Variants in AFF2 observed in about 807,000 individuals in gnomAD.
The protein encoded by AFF2 is AF4/FMR2 family member 2.
In AFF2, 14 loss-of-function variants were observed where a neutral mutation model predicts 76.9. That is an observed-to-expected ratio of 0.18 (90% CI 0.12 to 0.28). The LOEUF (loss-of-function observed/expected upper bound fraction) is 0.28. Ranked by LOEUF, AFF2 falls within the 10% of genes least tolerant of loss-of-function variation. The pLI is 1.00. For missense variants in AFF2, 868 were observed against 1,001.1 expected, an observed-to-expected ratio of 0.87 and a Z score of 1.79; for synonymous variants, 398 against 366.7, an observed-to-expected ratio of 1.09 and a Z score of -0.98.
chrX:148,698,669 A>G (rs2054750000), intron 3 of AFF2, among the ~76,000 whole-genome samples: 1 of 112,297 alleles, frequency 8.9e-6, no homozygotes, highest in Admixed American at 9.5e-5. Flanking sequence ...TGAATAGATA[A>G]TAATGTGACC....
intron 3 of AFF2, among the ~76,000 whole-genome samples, chrX:148,725,661 G>A (rs782282458): frequency 1.1e-4 from 12 of 111,873 alleles, no homozygotes; most frequent in Non-Finnish European, 2.1e-4. Context: ...AACACAAATC[G>A]TCATTGACTG....
chrX:148,923,829 A>G (rs781931568), intron 9 of AFF2, among the ~76,000 whole-genome samples: 1 of 111,764 alleles, frequency 8.9e-6, no homozygotes, highest in Non-Finnish European at 1.9e-5. Flanking sequence ...TCTGAATCCA[A>G]CCAAAAGCTT....
intron 7 of AFF2, among the ~76,000 whole-genome samples, chrX:148,881,963 TC>T (rs1235881149): frequency 9.0e-6 from 1 of 111,557 alleles, no homozygotes; most frequent in African/African-American, 3.3e-5. Context: ...CGTTAGGAAT[TC>T]CTGTATTTGA....
At chrX:148,669,661 A>G (rs1444320710) in intron 3 of AFF2, among the ~76,000 whole-genome samples, 1 of 111,234 alleles carries the variant, frequency 9.0e-6, no homozygotes, top group Non-Finnish European at 1.9e-5. Context: ...CCATGATTCA[A>G]TTACATCCCA....
At chrX:148,512,532 C>A (rs1357833424) in intron 1 of AFF2, among the ~76,000 whole-genome samples, 1 of 111,978 alleles carries the variant, frequency 8.9e-6, no homozygotes, top group African/African-American at 3.3e-5. Context: ...AAAGTTAAAG[C>A]GAATTCTAAA....
intron 1 of AFF2, among the ~76,000 whole-genome samples, chrX:148,608,580 A>G (rs1557249085): frequency 9.2e-6 from 1 of 109,025 alleles, no homozygotes; most frequent in Non-Finnish European, 1.9e-5. Context: ...CAGTGGCGTG[A>G]TTGTAGGTCA....
At chrX:148,701,011 AATGTGTGTGTGTGTGTGTGTGTGTGT>A (rs2054787469) in intron 3 of AFF2, among the ~76,000 whole-genome samples, 1 of 61,168 alleles carries the variant, frequency 1.6e-5, no homozygotes, top group East Asian at 7.6e-4. Context: ...AGAGAGAGAG[AATGTGTGTGTGTGTGTGTGTGTGTGT>A]GTGTGTGTGT....
At chrX:148,748,195 A>G (rs1238967861) in intron 3 of AFF2, among the ~76,000 whole-genome samples, 1 of 112,518 alleles carries the variant, frequency 8.9e-6, no homozygotes, top group Non-Finnish European at 1.9e-5. Context: ...TGTAACGGAT[A>G]CACTGAATAA....
At chrX:148,712,931 G>A (rs1557263038) in intron 3 of AFF2, among the ~76,000 whole-genome samples, 1 of 111,666 alleles carries the variant, frequency 9.0e-6, no homozygotes, top group Non-Finnish European at 1.9e-5. Flanking sequence ...GATGACAAGT[G>A]CTATTAAAAA....
At chrX:148,828,927 G>C (rs1408263133) in intron 4 of AFF2, among the ~76,000 whole-genome samples, 1 of 111,924 alleles carries the variant, frequency 8.9e-6, no homozygotes, top group African/African-American at 3.2e-5. Context: ...CTTCCCAATT[G>C]TACATTATAA....
intron 4 of AFF2, among the ~76,000 whole-genome samples, chrX:148,813,881 C>T (rs782025603): frequency 2.7e-5 from 3 of 112,338 alleles, no homozygotes; most frequent in Non-Finnish European, 5.6e-5. Context: ...CACTGGCCTA[C>T]AACACCTTTT....
chrX:148,607,420 T>A (rs1444482951), intron 1 of AFF2, among the ~76,000 whole-genome samples: 2 of 110,814 alleles, frequency 1.8e-5, no homozygotes, highest in Non-Finnish European at 3.8e-5. Context: ...TCTTACAAGA[T>A]CTCATGGTTT....
intron 1 of AFF2, among the ~76,000 whole-genome samples, chrX:148,579,256 T>A (rs1175528056): frequency 1.8e-5 from 2 of 111,963 alleles, no homozygotes; most frequent in Non-Finnish European, 3.8e-5. Context: ...CCCACGTATG[T>A]CTGTAATTGA....
At chrX:148,781,959 C>T (rs1353989918) in intron 3 of AFF2, among the ~76,000 whole-genome samples, 1 of 111,385 alleles carries the variant, frequency 9.0e-6, no homozygotes, top group Non-Finnish European at 1.9e-5. Flanking sequence ...ACCCCTTGCA[C>T]TTCCAGGATG....
chrX:148,975,017 C>A (rs1416767199), intron 16 of AFF2, among the ~76,000 whole-genome samples: 1 of 112,026 alleles, frequency 8.9e-6, no homozygotes, highest in Non-Finnish European at 1.9e-5. Context: ...CAAATTAAAA[C>A]AAGGCACTTT....
intron 3 of AFF2, among the ~76,000 whole-genome samples, chrX:148,763,121 A>C (rs1463709719): frequency 1.8e-5 from 2 of 112,220 alleles, no homozygotes; most frequent in Admixed American, 9.5e-5. Flanking sequence ...AGTTTTGAGA[A>C]TCTCAATGCA....
intron 12 of AFF2, among the ~76,000 whole-genome samples, chrX:148,961,068 G>A (rs144008433): frequency 2.7e-5 from 3 of 112,008 alleles, no homozygotes; most frequent in Non-Finnish European, 3.8e-5. Context: ...CTGAATCCCC[G>A]CTGGTTGCTT....
At chrX:148,923,737 T>G (rs1368216602) in intron 9 of AFF2, among the ~76,000 whole-genome samples, 1 of 111,984 alleles carries the variant, frequency 8.9e-6, no homozygotes, top group Admixed American at 9.5e-5. Context: ...ATGTATATAG[T>G]CTTTGCCTAG....
chrX:148,552,989 C>T (rs1287413396), intron 1 of AFF2, among the ~76,000 whole-genome samples: 2 of 111,477 alleles, frequency 1.8e-5, no homozygotes, highest in Non-Finnish European at 1.9e-5. Flanking sequence ...GTAGCTTGAT[C>T]CTGGTGGTAA....
Sources: gnomAD v4.1 joint callset for allele counts (sites outside exome capture counted in the v4.1 genomes callset) on GRCh38, gnomAD v4.1.1 for gene constraint, MANE v1.5 for transcripts, NCBI Gene and HGNC (gene_info 2026-07-23, HGNC 2026-07-21) for gene names.